The following MYRFL variants were observed in gnomAD, a reference collection of about 807,000 sequenced individuals.
The protein encoded by MYRFL is myelin regulatory factor-like protein.
In MYRFL, 88 loss-of-function variants were observed where a neutral mutation model predicts 109.4. That is an observed-to-expected ratio of 0.80 (90% CI 0.68 to 0.96). The LOEUF (loss-of-function observed/expected upper bound fraction) is 0.96. Ranked by LOEUF, MYRFL falls within the 40% of genes least tolerant of loss-of-function variation. The pLI, the probability that MYRFL is intolerant of heterozygous loss-of-function variation, is 0.00. For synonymous variants in MYRFL, 324 were observed against 320.9 expected (o/e 1.01, Z -0.10); for missense variants, 957 against 954.9 (o/e 1.00, Z -0.03).
At chr12:69,927,620 G>T in intron 14 of MYRFL, 65 bp from the exon 15 acceptor site, 1 of 1,190,056 alleles carries the variant, frequency 8.4e-7, no homozygotes, top group Non-Finnish European at 1.2e-6. Flanking sequence ...TGACAGCCTG[G>T]GCCTTTGTCA....
Position 69,893,748 on chromosome 12 carries a change from T to C in MYRFL, c.904-16T>C. The C allele has an allele frequency of 7.3e-7, 1 of 1,373,414 alleles. No individual in the cohort carries two copies. The highest frequency in any genetic ancestry group is 9.5e-7 in the Non-Finnish European group (1 of 1,056,408). The allele number at this position is 1,373,414 out of a possible 1,614,324, so 85.1% of individuals were successfully genotyped here. ...ATTAATTAATTAATTAGTTTACTTT[T>C]TGTTGTTTCATACAGGTGGAAGCTA... On this transcript the variant is annotated splice_polypyrimidine_tract_variant and intron_variant, in intron 7 of 24. Coordinates refer to ENST00000552032, the MANE Select transcript of MYRFL (RefSeq NM_182530.3).
At chr12:69,954,483 T>C (rs1399844536) in intron 21 of MYRFL, among the ~76,000 whole-genome samples, 1 of 152,234 alleles carries the variant, frequency 6.6e-6, no homozygotes, top group African/African-American at 2.4e-5. Flanking sequence ...TGAGGTATAA[T>C]TGACAAGCAA....
chr12:69,861,078 C>T (rs1189090570), intron 2 of MYRFL, among the ~76,000 whole-genome samples: 1 of 150,074 alleles, frequency 6.7e-6, no homozygotes, highest in Non-Finnish European at 1.5e-5. Flanking sequence ...GACATGAACT[C>T]ATCATTTTTT....
intron 10 of MYRFL, among the ~76,000 whole-genome samples, chr12:69,900,488 T>C (rs372198160): frequency 2.6e-5 from 4 of 152,278 alleles, no homozygotes; most frequent in African/African-American, 9.6e-5. Flanking sequence ...CCTGTGTTTT[T>C]GATTCAGTAG....
At chr12:69,889,489 A>G (rs1886657885) in intron 6 of MYRFL, among the ~76,000 whole-genome samples, 1 of 152,104 alleles carries the variant, frequency 6.6e-6, no homozygotes, top group South Asian at 2.1e-4. Flanking sequence ...TATTATACTT[A>G]CCCTAATCCA....
At chr12:69,844,583 G>A (rs558090289) in intron 1 of MYRFL, among the ~76,000 whole-genome samples, 2 of 152,248 alleles carry the variant, frequency 1.3e-5, no homozygotes, top group East Asian at 1.9e-4. Flanking sequence ...GGGAGGCGGC[G>A]GGGCACGGGG....
intron 1 of MYRFL, among the ~76,000 whole-genome samples, chr12:69,852,579 A>ATTTTTTTTTTTTTTTTTTTTTTTTATTTT (rs61145700): frequency 8.9e-6 from 1 of 112,212 alleles, no homozygotes; most frequent in Non-Finnish European, 1.8e-5. Flanking sequence ...TTAATTTTTA[A>ATTTTTTTTTTTTTTTTTTTTTTTTATTTT]TTTTTTTTTT....
chr12:69,884,544 C>G (rs755484077), intron 5 of MYRFL, among the ~76,000 whole-genome samples: 9 of 152,210 alleles, frequency 5.9e-5, no homozygotes, highest in Non-Finnish European at 1.3e-4. Flanking sequence ...GTGGAGCTGG[C>G]TTTTGGCTGC....
At chr12:69,856,443 G>A (rs1884288855) in intron 2 of MYRFL, among the ~76,000 whole-genome samples, 1 of 152,072 alleles carries the variant, frequency 6.6e-6, no homozygotes, top group South Asian at 2.1e-4. Context: ...GCTGGATCAT[G>A]TTGTAAATGT....
chr12:69,825,712 T>C lies in MYRFL; in HGVS notation c.46+149T>C, dbSNP rs937717221. The C allele has an allele frequency of 4.9e-6, 3 of 610,736 alleles. No individual in the cohort carries two copies. The African/African-American group carries it at 5.5e-5, about 11-fold the overall frequency. The allele number at this position is 610,736 out of a possible 1,614,324, so 37.8% of individuals were successfully genotyped here. The stretch of plus-strand genomic sequence containing the variant: ...TCCTAATATCAAAAGTAGGGGTTTA[T>C]TTGCTACATTGGGAGCAAAATTCAA... On this transcript the variant is annotated intron_variant, in intron 1 of 24. Coordinates refer to ENST00000552032, the MANE Select transcript of MYRFL (RefSeq NM_182530.3).
intron 7 of MYRFL, among the ~76,000 whole-genome samples, chr12:69,891,606 T>TC (rs1566002017): frequency 9.6e-4 from 30 of 31,132 alleles, no homozygotes; most frequent in Non-Finnish European, 1.4e-3. Context: ...TCTTTCTTTC[T>TC]CTTTCTTTCT....
At chr12:69,841,700 C>T (rs1386788570) in intron 1 of MYRFL, among the ~76,000 whole-genome samples, 1 of 152,196 alleles carries the variant, frequency 6.6e-6, no homozygotes, top group African/African-American at 2.4e-5. Flanking sequence ...GAAGCTTTTC[C>T]TGGCATCTTT....
At chr12:69,903,482 G>T (rs1270649851) in intron 10 of MYRFL, among the ~76,000 whole-genome samples, 162 bp from the exon 11 acceptor site, 1 of 152,080 alleles carries the variant, frequency 6.6e-6, no homozygotes, top group African/African-American at 2.4e-5. Context: ...GGCTCTCCTG[G>T]GCCCCGGAAT....
intron 22 of MYRFL, among the ~76,000 whole-genome samples, chr12:69,956,686 C>T (rs547294611): frequency 6.6e-6 from 1 of 152,132 alleles, no homozygotes; most frequent in African/African-American, 2.4e-5. Flanking sequence ...CCGTCTTATT[C>T]AGTCTTCATA....
chr12:69,931,546 A>G (rs947944795), intron 15 of MYRFL, among the ~76,000 whole-genome samples: 31 of 152,202 alleles, frequency 2.0e-4, no homozygotes, highest in African/African-American at 7.2e-4. Context: ...AACCAATTTA[A>G]AATTATTACC....
chr12:69,849,757 A>G (rs1190858594), intron 1 of MYRFL, among the ~76,000 whole-genome samples: 1 of 152,218 alleles, frequency 6.6e-6, no homozygotes, highest in Non-Finnish European at 1.5e-5. Flanking sequence ...TTAGAAAATC[A>G]TTTTACCCAA....
chr12:69,910,736 G>T, intron 12 of MYRFL, 85 bp from the exon 13 acceptor site: 2 of 913,664 alleles, frequency 2.2e-6, no homozygotes, highest in Non-Finnish European at 3.2e-6. Flanking sequence ...CAAATGTATT[G>T]TAGATCAAAG....
chr12:69,890,219 C>G (rs983974702), intron 6 of MYRFL, among the ~76,000 whole-genome samples: 1 of 152,108 alleles, frequency 6.6e-6, no homozygotes, highest in South Asian at 2.1e-4. Context: ...ATCCAAGTGA[C>G]TTTTTAAATA....
At chr12:69,940,020 T>C (rs1955595327) in intron 19 of MYRFL, among the ~76,000 whole-genome samples, 1 of 151,228 alleles carries the variant, frequency 6.6e-6, no homozygotes, top group Non-Finnish European at 1.5e-5. Flanking sequence ...TAAAAAGAAA[T>C]GAGCAAAGCC....
Sources: allele counts gnomAD v4.1 joint callset (sites outside exome capture counted in the v4.1 genomes callset), GRCh38; gene constraint gnomAD v4.1.1; transcripts MANE v1.5; gene names NCBI Gene and HGNC (gene_info 2026-07-23, HGNC 2026-07-21).